Variants in AIDA observed in about 807,000 individuals in gnomAD.
The protein encoded by AIDA is axin interactor, dorsalization associated.
In AIDA, 18 loss-of-function variants were observed where a neutral mutation model predicts 42.7. The ratio of observed to expected loss-of-function variants is 0.42; its 90% CI spans 0.29 to 0.63. The LOEUF is 0.63. Ranked by LOEUF, AIDA falls within the 20% of genes least tolerant of loss-of-function variation. AIDA has a pLI of 0.19. For missense variants in AIDA, 250 were observed against 354.1 expected (o/e 0.71, Z 2.36); for synonymous variants, 104 against 122.9 (o/e 0.85, Z 1.02).
Position 222,712,392 on chromosome 1 carries a change from C to T in AIDA, c.-75G>A, listed in dbSNP as rs1384746161. ...TTCTAGGGCGCCATCCTCCCCCGGC[C>T]TGGCCCCGACATTAACAGGGCCAGG... On this transcript the variant is annotated 5_prime_UTR_variant, in exon 1 of 10. Transcript: ENST00000340020. 24 of 1,481,952 alleles carry T rather than the reference C, an allele frequency of 1.6e-5. No homozygotes were observed. Among genetic ancestry groups the T allele is most frequent in the Middle Eastern group, 2.5e-4 (1 of 4,020 alleles). The allele number at this position is 1,481,952 out of a possible 1,614,324, so 91.8% of individuals were successfully genotyped here. A position where few individuals can be genotyped will look rare whatever the true frequency, so the allele number is the denominator to read the frequency against.
chr1:222,705,882 C>CA lies in AIDA; in HGVS notation c.111-2666dup, dbSNP rs369304733. Among the ~76,000 whole-genome samples, 899 of 148,776 alleles carry CA rather than the reference C, an allele frequency of 6.0e-3. 5 individuals carry two copies. The highest frequency in any genetic ancestry group is 0.02 in the African/African-American group (808 of 40,552). Reference sequence around the variant, plus strand: ...CTGAGTAACAAGACCAAAACTCCATCAAAAAAAAATGCACAAAAGAATCAG... The same window carrying CA: ...CTGAGTAACAAGACCAAAACTCCATCAAAAAAAAAATGCACAAAAGAATCAG... On this transcript the variant is annotated intron_variant, in intron 1 of 9. Transcript: ENST00000340020.
chr1:222,694,380 A>C (rs1235996314), intron 2 of AIDA, 117 bp from the exon 3 acceptor site: 2 of 903,058 alleles, frequency 2.2e-6, no homozygotes, highest in Non-Finnish European at 3.5e-6. Flanking sequence ...GTTAAATTTT[A>C]TTTCTTTCTA....
chr1:222,700,989 G>A (rs1229590895), intron 2 of AIDA, among the ~76,000 whole-genome samples: 3 of 140,826 alleles, frequency 2.1e-5, no homozygotes. Flanking sequence ...GGGGGACAGG[G>A]TCTCACTGTG....
chr1:222,687,739 C>T, intron 4 of AIDA, 81 bp from the exon 5 acceptor site: 1 of 1,093,128 alleles, frequency 9.1e-7, no homozygotes, highest in Non-Finnish European at 1.3e-6. Context: ...AATTTTTAAT[C>T]AATTTTATTG....
chr1:222,685,907 C>T (rs1655155718), intron 6 of AIDA, among the ~76,000 whole-genome samples: 1 of 152,162 alleles, frequency 6.6e-6, no homozygotes, highest in Non-Finnish European at 1.5e-5. Flanking sequence ...TGCCTGTAAA[C>T]CCAGCACTAT....
intron 4 of AIDA, among the ~76,000 whole-genome samples, chr1:222,692,592 A>C (rs1309199468): frequency 1.1e-4 from 16 of 152,216 alleles, no homozygotes; most frequent in African/African-American, 3.9e-4. Flanking sequence ...TTACATACAA[A>C]GCACTGAATC....
At chr1:222,697,238 T>C (rs1179600578) in intron 2 of AIDA, among the ~76,000 whole-genome samples, 1 of 151,704 alleles carries the variant, frequency 6.6e-6, no homozygotes, top group Non-Finnish European at 1.5e-5. Context: ...CCACTGTGCC[T>C]GGCTGCAACA....
At chr1:222,700,009 C>T (rs551095780) in intron 2 of AIDA, among the ~76,000 whole-genome samples, 57 of 152,216 alleles carry the variant, frequency 3.7e-4, no homozygotes, top group African/African-American at 1.3e-3. Context: ...CTGCCCACCT[C>T]GGCCTCCCAA....
At chr1:222,694,965 A>C (rs778526762) in intron 2 of AIDA, among the ~76,000 whole-genome samples, 2 of 152,202 alleles carry the variant, frequency 1.3e-5, no homozygotes, top group Non-Finnish European at 2.9e-5. Flanking sequence ...ATCAAGCCCC[A>C]ACGACCAGGA....
intron 1 of AIDA, among the ~76,000 whole-genome samples, chr1:222,708,692 C>T (rs115993185): frequency 1.5e-4 from 23 of 152,184 alleles, no homozygotes; most frequent in African/African-American, 5.5e-4. Context: ...TATTGAGTAT[C>T]CATGTGCTAG....
In AIDA at chr1:222,669,476, C is replaced by T. The variant is rs566926553; in HGVS notation, c.*417G>A. On this transcript the variant is annotated 3_prime_UTR_variant, in exon 10 of 10. Transcript: ENST00000340020. ...CTACCCACATCAACCCAAAGCTTGA[C>T]GTTAAGTCAAAAGAGCATATTGGAG... 9.4e-5 allele frequency: 17 copies of T among 179,978 alleles called. No individual in the cohort carries two copies. The East Asian group carries it at 1.4e-3, about 15-fold the overall frequency. The allele number at this position is 179,978 out of a possible 1,614,324, so 11.1% of individuals were successfully genotyped here. A position where few individuals can be genotyped will look rare whatever the true frequency, so the allele number is the denominator to read the frequency against.
At chr1:222,683,271 C>CA (rs1342497603) in intron 6 of AIDA, among the ~76,000 whole-genome samples, 1 of 151,962 alleles carries the variant, frequency 6.6e-6, no homozygotes, top group Non-Finnish European at 1.5e-5. Flanking sequence ...TGGATTTCCA[C>CA]AAAAAAGGAA....
At chr1:222,670,935 C>T (rs540432747) in intron 8 of AIDA, among the ~76,000 whole-genome samples, 11 of 152,262 alleles carry the variant, frequency 7.2e-5, no homozygotes, top group African/African-American at 2.4e-4. Flanking sequence ...TTAGACAGTT[C>T]TGGCCGGGTG....
At chr1:222,697,967 C>T (rs1311920584) in intron 2 of AIDA, among the ~76,000 whole-genome samples, 1 of 151,118 alleles carries the variant, frequency 6.6e-6, no homozygotes, top group Non-Finnish European at 1.5e-5. Flanking sequence ...GACAGGGAAA[C>T]GCTTTCTAAG....
At chr1:222,703,934 A>G (rs1655776572) in intron 1 of AIDA, among the ~76,000 whole-genome samples, 4 of 152,222 alleles carry the variant, frequency 2.6e-5, no homozygotes, top group Admixed American at 2.6e-4. Flanking sequence ...CTTACAAACT[A>G]AACTATAAAA....
intron 9 of AIDA, 66 bp from the exon 10 acceptor site, chr1:222,670,055 A>G (rs1423424309): frequency 1.3e-5 from 21 of 1,609,760 alleles, no homozygotes; most frequent in Non-Finnish European, 1.8e-5. Context: ...AAGGTTAAAT[A>G]CTGGATATGG....
chr1:222,699,834 C>T (rs1296121184), intron 2 of AIDA, among the ~76,000 whole-genome samples: 1 of 150,974 alleles, frequency 6.6e-6, no homozygotes, highest in Non-Finnish European at 1.5e-5. Flanking sequence ...TGCAGTGGTG[C>T]GATCTCGGCT....
rs148818192 is a variant in AIDA at position 222,691,281 on chromosome 1, T to C, written c.289+2508A>G. 1.7e-3 allele frequency among the ~76,000 whole-genome samples: 253 copies of C among 152,264 alleles called. 1 individual carries two copies. Among genetic ancestry groups the C allele is most frequent in the African/African-American group, 5.4e-3 (226 of 41,518 alleles). ...TTATTCAAGGAATAAATCAACTGTATAGCAGAAGTTTGATAAGCAAGGCAG... is the reference window on the plus strand; with the variant it reads ...TTATTCAAGGAATAAATCAACTGTACAGCAGAAGTTTGATAAGCAAGGCAG... On this transcript the variant is annotated intron_variant, in intron 4 of 9. Coordinates refer to ENST00000340020, the MANE Select transcript of AIDA (RefSeq NM_022831.4).
At chr1:222,708,289 C>G (rs1172729269) in intron 1 of AIDA, among the ~76,000 whole-genome samples, 1 of 150,220 alleles carries the variant, frequency 6.7e-6, no homozygotes, top group Non-Finnish European at 1.5e-5. Context: ...CCAGCCTGGG[C>G]GACAGAGTGA....
Sources: gnomAD v4.1 joint callset for allele counts (sites outside exome capture counted in the v4.1 genomes callset) on GRCh38, gnomAD v4.1.1 for gene constraint, MANE v1.5 for transcripts, NCBI Gene and HGNC (gene_info 2026-07-23, HGNC 2026-07-21) for gene names.